Variants in CHODL observed in about 807,000 individuals in gnomAD.
CHODL encodes the protein chondrolectin.
A neutral mutation model predicts 34.5 loss-of-function variants in CHODL; 29 were observed. The observed-to-expected ratio is 0.84, with a 90% CI of 0.63 to 1.15. CHODL has a LOEUF of 1.15. Among genes scored for constraint, CHODL ranks in the 50% most tolerant of loss-of-function variants. CHODL has a pLI of 0.00. For missense variants in CHODL, 332 were observed against 332.5 expected, an observed-to-expected ratio of 1.00 and a Z score of 0.01; for synonymous variants, 125 against 116.1, an observed-to-expected ratio of 1.08 and a Z score of -0.49.
intron 1 of CHODL, among the ~76,000 whole-genome samples, chr21:18,005,439 T>C (rs533525257): frequency 6.6e-6 from 1 of 152,358 alleles, no homozygotes; most frequent in East Asian, 1.9e-4. Context: ...CAATTTTTAA[T>C]CATCTTGTTT....
chr21:18,138,699 C>T (rs1399785775), intron 2 of CHODL, among the ~76,000 whole-genome samples: 1 of 152,152 alleles, frequency 6.6e-6, no homozygotes, highest in African/African-American at 2.4e-5. Context: ...TCTGGAACTG[C>T]AGCCAGCGAC....
chr21:18,187,476 C>A (rs972839661), intron 2 of CHODL, among the ~76,000 whole-genome samples: 2 of 152,134 alleles, frequency 1.3e-5, no homozygotes, highest in African/African-American at 2.4e-5. Context: ...TTTCCCATGG[C>A]ATTTATCCTG....
chr21:17,921,443 G>T (rs770544210), intron 1 of CHODL, among the ~76,000 whole-genome samples: 101 of 152,316 alleles, frequency 6.6e-4, no homozygotes, highest in Non-Finnish European at 1.3e-3. Flanking sequence ...TAGGCAGGGG[G>T]TCTAACCCTC....
intron 2 of CHODL, among the ~76,000 whole-genome samples, chr21:18,185,370 G>T (rs995926630): frequency 6.6e-6 from 1 of 152,152 alleles, no homozygotes; most frequent in Non-Finnish European, 1.5e-5. Context: ...TTTTATGGCT[G>T]CATAGTATCC....
At chr21:18,254,713 C>CGTCT (rs1229098355) in intron 1 of CHODL, among the ~76,000 whole-genome samples, 2 of 148,842 alleles carry the variant, frequency 1.3e-5, no homozygotes, top group African/African-American at 5.0e-5. Context: ...ATCTGTTTAT[C>CGTCT]GTCTGTCTAT....
intron 2 of CHODL, among the ~76,000 whole-genome samples, chr21:18,176,624 G>A (rs1028427827): frequency 1.3e-5 from 2 of 152,066 alleles, no homozygotes; most frequent in Admixed American, 1.3e-4. Flanking sequence ...TTGTCCTTGA[G>A]TTCAAGCAAA....
intron 2 of CHODL, among the ~76,000 whole-genome samples, chr21:18,133,883 C>T (rs138479151): frequency 6.6e-6 from 1 of 152,228 alleles, no homozygotes; most frequent in Non-Finnish European, 1.5e-5. Flanking sequence ...CTGCCAGCAT[C>T]TATAAAACTG....
chr21:18,167,525 G>A (rs1327929173), intron 2 of CHODL, among the ~76,000 whole-genome samples: 7 of 151,828 alleles, frequency 4.6e-5, no homozygotes, highest in Non-Finnish European at 7.4e-5. Context: ...TAGCCAAGAT[G>A]GTCTCAATCT....
At chr21:18,199,607 C>T (rs2073628966) in intron 2 of CHODL, among the ~76,000 whole-genome samples, 2 of 152,054 alleles carry the variant, frequency 1.3e-5, no homozygotes, top group African/African-American at 4.8e-5. Flanking sequence ...CTTTGTTCCA[C>T]CTATTTATCC....
In CHODL at chr21:17,964,463, G is replaced by A. The variant is rs112344528; in HGVS notation, c.-145+47063G>A. Among the ~76,000 whole-genome samples, 1,005 of 152,306 alleles carry A rather than the reference G, an allele frequency of 6.6e-3. 10 individuals are homozygous for A. Among genetic ancestry groups the A allele is most frequent in the African/African-American group, 0.022 (934 of 41,558 alleles). On this transcript the variant is annotated intron_variant, in intron 1 of 6. Coordinates refer to the CHODL transcript ENST00000400127. ...GAGAAGCCAATTTAATTTGGCAGAG[G>A]CTTCAGTGGATGTTACTGTGGCTAT...
At chr21:18,029,974 G>A (rs2064228101) in intron 2 of CHODL, among the ~76,000 whole-genome samples, 1 of 152,052 alleles carries the variant, frequency 6.6e-6, no homozygotes, top group South Asian at 2.1e-4. Context: ...CTTTCTGAGA[G>A]GCTTCTCTAG....
intron 2 of CHODL, among the ~76,000 whole-genome samples, chr21:18,228,521 G>A: frequency 6.6e-6 from 1 of 152,076 alleles, no homozygotes; most frequent in East Asian, 1.9e-4. Context: ...GTTCCTCGGG[G>A]GTTTGTCACA....
intron 2 of CHODL, among the ~76,000 whole-genome samples, chr21:18,122,323 T>A (rs2065490018): frequency 6.6e-6 from 1 of 152,206 alleles, no homozygotes; most frequent in Non-Finnish European, 1.5e-5. Context: ...TATACTTTCT[T>A]ACGGTCACTG....
intron 2 of CHODL, among the ~76,000 whole-genome samples, chr21:18,113,679 C>T (rs1159925210): frequency 6.6e-6 from 1 of 152,198 alleles, no homozygotes; most frequent in East Asian, 1.9e-4. Flanking sequence ...ATGATCCAGT[C>T]ACCTCTCACC....
chr21:17,990,493 T>C (rs2063788496), intron 1 of CHODL, among the ~76,000 whole-genome samples: 1 of 152,156 alleles, frequency 6.6e-6, no homozygotes, highest in South Asian at 2.1e-4. Context: ...GTTAGAATAT[T>C]TGGTTACATT....
intron 2 of CHODL, among the ~76,000 whole-genome samples, chr21:18,043,952 A>G (rs1359718465): frequency 5.3e-5 from 8 of 151,872 alleles, no homozygotes; most frequent in Non-Finnish European, 1.2e-4. Flanking sequence ...CTATCACAGA[A>G]CAGTATGTGG....
At chr21:17,944,476 C>A (rs1370518756) in intron 1 of CHODL, among the ~76,000 whole-genome samples, 1 of 152,210 alleles carries the variant, frequency 6.6e-6, no homozygotes, top group Non-Finnish European at 1.5e-5. Context: ...CACCCTACAG[C>A]TCCACCCAGA....
chr21:18,097,931 A>G (rs1184949691), intron 2 of CHODL, among the ~76,000 whole-genome samples: 2 of 152,042 alleles, frequency 1.3e-5, no homozygotes, highest in African/African-American at 2.4e-5. Context: ...GCAGTAAATT[A>G]ATTTTTGACA....
intron 2 of CHODL, among the ~76,000 whole-genome samples, chr21:18,236,973 G>C (rs1422930879): frequency 6.6e-6 from 1 of 152,092 alleles, no homozygotes; most frequent in Non-Finnish European, 1.5e-5. Context: ...TCCTATAGGA[G>C]ACTGGTGTGT....
Sources: allele counts gnomAD v4.1 joint callset (sites outside exome capture counted in the v4.1 genomes callset), GRCh38; gene constraint gnomAD v4.1.1; transcripts MANE v1.5; gene names NCBI Gene and HGNC (gene_info 2026-07-23, HGNC 2026-07-21).